KCNAB1: variants seen among roughly 807,000 people sequenced by gnomAD.
KCNAB1 encodes the protein voltage-gated potassium channel subunit beta-1.
In KCNAB1, 35 loss-of-function variants were observed where a neutral mutation model predicts 64.6. The ratio of observed to expected loss-of-function variants is 0.54; its 90% confidence interval spans 0.41 to 0.72. KCNAB1 has a LOEUF of 0.72. Ranked by LOEUF, KCNAB1 falls within the 30% of genes least tolerant of loss-of-function variation. The pLI, the probability that KCNAB1 is intolerant of heterozygous loss-of-function variation, is 0.00. For missense variants in KCNAB1, 401 were observed against 512.9 expected, an observed-to-expected ratio of 0.78 and a Z score of 2.11; for synonymous variants, 177 against 183.8, an observed-to-expected ratio of 0.96 and a Z score of 0.30.
chr3:156,516,648 T>C (rs1559926015), intron 11 of KCNAB1, among the ~76,000 whole-genome samples: 1 of 152,246 alleles, frequency 6.6e-6, no homozygotes, highest in Non-Finnish European at 1.5e-5. Flanking sequence ...AATTCCTACA[T>C]TGTTTTTTAT....
chr3:156,160,498 G>C (rs568809025), intron 1 of KCNAB1, among the ~76,000 whole-genome samples: 2 of 152,238 alleles, frequency 1.3e-5, no homozygotes, highest in South Asian at 4.2e-4. Flanking sequence ...TTGGCGAAGA[G>C]AGTGTTAGAA....
At chr3:156,120,041 A>G (rs1252213339), upstream of KCNAB1, among the ~76,000 whole-genome samples, 1 of 152,206 alleles carries the variant, frequency 6.6e-6, no homozygotes, top group African/African-American at 2.4e-5. Flanking sequence ...GACATACGTT[A>G]TGTGGTTCAC....
intron 8 of KCNAB1, among the ~76,000 whole-genome samples, chr3:156,507,740 T>C (rs1049944240): frequency 2.6e-5 from 4 of 152,206 alleles, no homozygotes; most frequent in African/African-American, 9.6e-5. Flanking sequence ...GCCTATTTTT[T>C]ATTAGTGTTA....
At chr3:156,481,921 A>G (rs1485292723) in intron 8 of KCNAB1, among the ~76,000 whole-genome samples, 2 of 152,134 alleles carry the variant, frequency 1.3e-5, no homozygotes, top group Non-Finnish European at 1.5e-5. Context: ...CTCCATTTCT[A>G]GAATGCCCTA....
At chr3:156,248,503 C>T (rs1717603798) in intron 1 of KCNAB1, among the ~76,000 whole-genome samples, 1 of 148,768 alleles carries the variant, frequency 6.7e-6, no homozygotes, top group Non-Finnish European at 1.5e-5. Flanking sequence ...GGTAACAGAC[C>T]CCTCTGTTTC....
intron 1 of KCNAB1, among the ~76,000 whole-genome samples, chr3:156,411,834 T>C (rs1714686817): frequency 6.6e-6 from 1 of 152,180 alleles, no homozygotes; most frequent in African/African-American, 2.4e-5. Context: ...CCAGCTTTAC[T>C]CTTTTTCACA....
At chr3:156,483,218 G>C (rs1024142045) in intron 8 of KCNAB1, among the ~76,000 whole-genome samples, 10 of 152,068 alleles carry the variant, frequency 6.6e-5, no homozygotes, top group African/African-American at 2.4e-4. Flanking sequence ...CGGGTCAGTA[G>C]TATACTTGGA....
intron 1 of KCNAB1, among the ~76,000 whole-genome samples, chr3:156,226,557 G>A (rs1224004009): frequency 1.3e-5 from 2 of 152,086 alleles, no homozygotes; most frequent in African/African-American, 2.4e-5. Flanking sequence ...AAGAGAAATA[G>A]ATGGGACTTA....
At chr3:156,120,184 C>G (rs1713251350), upstream of KCNAB1, among the ~76,000 whole-genome samples, 1 of 152,168 alleles carries the variant, frequency 6.6e-6, no homozygotes, top group African/African-American at 2.4e-5. Flanking sequence ...TCCAAAGGGA[C>G]TCTAATCAGG....
intron 1 of KCNAB1, among the ~76,000 whole-genome samples, chr3:156,201,049 A>G (rs1251023769): frequency 6.6e-6 from 1 of 152,144 alleles, no homozygotes; most frequent in East Asian, 1.9e-4. Flanking sequence ...CTCTCACGGC[A>G]TCCCTTGTCT....
chr3:156,426,617 C>T (rs1200759314), intron 2 of KCNAB1, among the ~76,000 whole-genome samples: 2 of 152,216 alleles, frequency 1.3e-5, no homozygotes, highest in African/African-American at 4.8e-5. Flanking sequence ...AAAAAATCCT[C>T]TGTCTTGCCT....
At chr3:156,266,344 A>T (rs565530416) in intron 1 of KCNAB1, among the ~76,000 whole-genome samples, 1 of 152,346 alleles carries the variant, frequency 6.6e-6, no homozygotes, top group Non-Finnish European at 1.5e-5. Flanking sequence ...TATTAGAGAT[A>T]ACGTAGAAAT....
chr3:156,163,445 A>G (rs961911462), intron 1 of KCNAB1, among the ~76,000 whole-genome samples: 1 of 152,170 alleles, frequency 6.6e-6, no homozygotes, highest in African/African-American at 2.4e-5. Flanking sequence ...CCCAATGTCA[A>G]CCTCATGGTG....
At chr3:156,383,761 G>GA (rs752747228) in intron 1 of KCNAB1, among the ~76,000 whole-genome samples, 27 of 152,154 alleles carry the variant, frequency 1.8e-4, no homozygotes, top group Non-Finnish European at 3.4e-4. Flanking sequence ...TAGCCAAAAA[G>GA]AAAAAAATTA....
intron 1 of KCNAB1, among the ~76,000 whole-genome samples, chr3:156,290,003 G>A (rs1720306063): frequency 6.6e-6 from 1 of 152,112 alleles, no homozygotes; most frequent in African/African-American, 2.4e-5. Context: ...AGGGTCGCCT[G>A]GGCACCCATG....
At chr3:156,179,364 T>G (rs1712626839) in intron 1 of KCNAB1, among the ~76,000 whole-genome samples, 1 of 152,146 alleles carries the variant, frequency 6.6e-6, no homozygotes, top group African/African-American at 2.4e-5. Flanking sequence ...ATATAAAATT[T>G]TATAAAATTA....
chr3:156,281,712 G>T (rs1426768592), intron 1 of KCNAB1, among the ~76,000 whole-genome samples: 5 of 151,162 alleles, frequency 3.3e-5, no homozygotes. Context: ...ATGTGTCCAG[G>T]AATTTATCCA....
At chr3:156,419,510 G>GAAAAAAAAA (rs58080148) in intron 1 of KCNAB1, among the ~76,000 whole-genome samples, 23 of 97,512 alleles carry the variant, frequency 2.4e-4, no homozygotes, top group South Asian at 3.3e-4. Flanking sequence ...CAAAAAAAAA[G>GAAAAAAAAA]AAAAAAAAAA....
intron 1 of KCNAB1, among the ~76,000 whole-genome samples, chr3:156,352,091 G>C (rs1724898370): frequency 6.6e-6 from 1 of 152,204 alleles, no homozygotes; most frequent in Non-Finnish European, 1.5e-5. Context: ...CCGCTGTGAG[G>C]CTTGGGGCAG....
Sources: gnomAD v4.1 joint callset for allele counts (sites outside exome capture counted in the v4.1 genomes callset) on GRCh38, gnomAD v4.1.1 for gene constraint, MANE v1.5 for transcripts, NCBI Gene and HGNC (gene_info 2026-07-23, HGNC 2026-07-21) for gene names.